Variants in IMPDH1 observed in about 807,000 individuals in gnomAD.
IMPDH1 encodes the protein inosine monophosphate dehydrogenase 1, also known as inosine-5'-monophosphate dehydrogenase 1.
IMPDH1 carries 41 observed loss-of-function variants against 73.5 expected under a neutral mutation model. That is an observed-to-expected ratio of 0.56 (90% CI 0.43 to 0.72). IMPDH1 has a LOEUF of 0.72. IMPDH1 is among the 30% of genes least tolerant of loss of function. The pLI, the probability that IMPDH1 is intolerant of heterozygous loss-of-function variation, is 0.00. For synonymous variants in IMPDH1, 318 were observed against 334.3 expected, an observed-to-expected ratio of 0.95 and a Z score of 0.53; for missense variants, 645 against 824.8, an observed-to-expected ratio of 0.78 and a Z score of 2.67.
chr7:128,405,558 G>C (rs1798660596), intron 4 of IMPDH1, among the ~76,000 whole-genome samples: 1 of 152,198 alleles, frequency 6.6e-6, no homozygotes, highest in Non-Finnish European at 1.5e-5. Context: ...GGCCAGAAAC[G>C]GGTCAGGGCT....
At chr7:128,407,401 T>C (rs1189644685) in intron 3 of IMPDH1, among the ~76,000 whole-genome samples, 3 of 152,184 alleles carry the variant, frequency 2.0e-5, no homozygotes, top group Non-Finnish European at 4.4e-5. Flanking sequence ...TTGCCAGCGA[T>C]GTGTGGGAAG....
chr7:128,406,159 T>C (rs1377819532), intron 3 of IMPDH1, among the ~76,000 whole-genome samples: 2 of 145,530 alleles, frequency 1.4e-5, no homozygotes, highest in African/African-American at 2.5e-5. Context: ...GCAGCGGCGC[T>C]GCGACCCCGC....
intron 12 of IMPDH1, 84 bp from the exon 13 acceptor site, chr7:128,395,358 C>A (rs1797843665): frequency 6.7e-7 from 1 of 1,490,634 alleles, no homozygotes; most frequent in Non-Finnish European, 9.3e-7. Flanking sequence ...GCTCTTCCTC[C>A]TGTGCACTAC....
chr7:128,404,613 A>G (rs1798576680), intron 4 of IMPDH1, among the ~76,000 whole-genome samples: 1 of 152,078 alleles, frequency 6.6e-6, no homozygotes, highest in African/African-American at 2.4e-5. Flanking sequence ...CAGGAAGGAA[A>G]AGCCACAGGG....
intron 5 of IMPDH1, 38 bp downstream of exon 5, chr7:128,403,668 C>A (rs958763015): frequency 1.3e-6 from 2 of 1,591,144 alleles, no homozygotes; most frequent in Non-Finnish European, 1.7e-6. Flanking sequence ...CCACCACATA[C>A]ACAGCCCCCT....
chr7:128,399,737 G>A (rs1030729516), intron 9 of IMPDH1, among the ~76,000 whole-genome samples: 3 of 152,000 alleles, frequency 2.0e-5, no homozygotes, highest in African/African-American at 7.2e-5. Flanking sequence ...TATAAAAACA[G>A]CTCTAGTGTC....
At chr7:128,408,623 C>A (rs1334518832) in intron 3 of IMPDH1, among the ~76,000 whole-genome samples, 1 of 152,144 alleles carries the variant, frequency 6.6e-6, no homozygotes, top group Non-Finnish European at 1.5e-5. Flanking sequence ...GAAGTGCAAT[C>A]TGGAGAAAGG....
intron 5 of IMPDH1, among the ~76,000 whole-genome samples, chr7:128,403,358 G>C (rs927112446): frequency 3.3e-5 from 5 of 152,168 alleles, no homozygotes; most frequent in African/African-American, 1.2e-4. Flanking sequence ...AGGAGTTTGA[G>C]ACCAGCCTGG....
At chr7:128,408,282 T>C (rs1798906769) in intron 3 of IMPDH1, among the ~76,000 whole-genome samples, 1 of 152,082 alleles carries the variant, frequency 6.6e-6, no homozygotes, top group African/African-American at 2.4e-5. Flanking sequence ...TGGGGCTATT[T>C]GAAGGAACAA....
chr7:128,399,169 GC>G (rs1798139202), intron 9 of IMPDH1, among the ~76,000 whole-genome samples: 1 of 152,072 alleles, frequency 6.6e-6, no homozygotes, highest in Non-Finnish European at 1.5e-5. Context: ...TTCAAGAACA[GC>G]CCGGCCAATA....
At position 128,400,339 on chromosome 7, in the gene IMPDH1, G is replaced by T; in HGVS notation, c.780C>A (p.Leu260=). ...TCCCCTGCCCTGCAGGTACCTCACT[G>T]AGGAGGGTGGTGTGGTCCTTCTCAG... ...FLAEKDHTTL[L]SEVMTPRIEL... is the part of the protein sequence containing the mutation. The change falls in exon 8 of 17, where the codon CTC becomes CTA. Residue 260 remains leucine, a synonymous_variant. Transcript: ENST00000338791. The T allele has an allele frequency of 1.2e-6, 2 of 1,613,312 alleles. No individual in the cohort carries two copies. Among genetic ancestry groups the T allele is most frequent in the Non-Finnish European group, 1.7e-6 (2 of 1,179,578 alleles).
At position 128,396,955 on chromosome 7, in the gene IMPDH1, T is replaced by A; in HGVS notation, c.1142A>T (p.His381Leu). 1.9e-6 allele frequency: 3 copies of A among 1,613,044 alleles called. No individual in the cohort carries two copies. The South Asian group carries it at 3.3e-5, about 18-fold the overall frequency. The change falls in exon 11 of 17, where the codon CAC becomes CTC. Residue 381 changes from histidine to leucine, a missense_variant. Physicochemically the swap from His to Leu is moderately conservative, Grantham distance 99 (BLOSUM62 -3). Around this residue, in one of 2 missense-constraint regions of IMPDH1, gnomAD observed 459 missense variants for 638.2 expected, o/e 0.72. Coordinates refer to ENST00000338791, the MANE Select transcript of IMPDH1 (RefSeq NM_000883.4). This position sits in a 1 kb window ranked among gnomAD's most constrained non-coding sequence, Gnocchi z 4.0. Reference sequence around the variant, plus strand: ...ACCGTTCCCCCCAATCACCTGGAGGTGGGGGTACTTCTGTTTGATGTAATG... The same window carrying A: ...ACCGTTCCCCCCAATCACCTGGAGGAGGGGGTACTTCTGTTTGATGTAATG... ...MVHYIKQKYP[H>L]LQVIGGNVVT...
At chr7:128,405,621 CT>C in intron 4 of IMPDH1, 145 bp downstream of exon 4, 5 of 1,240,640 alleles carry the variant, frequency 4.0e-6, no homozygotes, top group Non-Finnish European at 4.2e-6. Flanking sequence ...CGCGGGCCTC[CT>C]TCCTTCCCGT....
intron 4 of IMPDH1, among the ~76,000 whole-genome samples, chr7:128,405,030 C>A (rs1331936509): frequency 6.6e-6 from 1 of 152,176 alleles, no homozygotes; most frequent in Non-Finnish European, 1.5e-5. Context: ...GGCCAGCATC[C>A]CCACTCTGCC....
At chr7:128,403,789 G>A (rs753611719) in intron 4 of IMPDH1, 35 bp from the exon 5 acceptor site, 2 of 1,602,698 alleles carry the variant, frequency 1.2e-6, no homozygotes, top group South Asian at 1.1e-5. Context: ...TATTAGTGGG[G>A]AGGGGTGCCC....
intron 3 of IMPDH1, among the ~76,000 whole-genome samples, chr7:128,406,542 A>C (rs1798792924): frequency 6.6e-6 from 1 of 151,914 alleles, no homozygotes; most frequent in African/African-American, 2.4e-5. Context: ...GGCATTCTTC[A>C]TAATGACACT....
In IMPDH1 at chr7:128,398,709, G is replaced by A; in HGVS notation, c.875-96C>T. ...GAAGATGAAAGTGGACCACTCCAGA[G>A]ATTCCACTGAAGTACCCCAGTCAGC... is the stretch of plus-strand genomic sequence containing the variant. On this transcript the variant is annotated intron_variant, in intron 9 of 16. Coordinates refer to ENST00000338791, the MANE Select transcript of IMPDH1 (RefSeq NM_000883.4). This position sits in a 1 kb window ranked among gnomAD's most constrained non-coding sequence, Gnocchi z 4.3. The A allele has an allele frequency of 1.0e-6, 1 of 998,340 alleles. No individual in the cohort carries two copies. Among genetic ancestry groups the A allele is most frequent in the Admixed American group, 1.8e-5 (1 of 56,318 alleles). The allele number at this position is 998,340 out of a possible 1,614,324, so 61.8% of individuals were successfully genotyped here. A position where few individuals can be genotyped will look rare whatever the true frequency, so the allele number is the denominator to read the frequency against.
chr7:128,409,336 G>C lies in IMPDH1; in HGVS notation c.207C>G (p.Val69=). 2 of 1,614,186 alleles carry C rather than the reference G, an allele frequency of 1.2e-6. No individual in the cohort carries two copies. The highest frequency in any genetic ancestry group is 2.2e-5 in the South Asian group (2 of 91,084). The change falls in exon 3 of 17, where the codon GTC becomes GTG. Residue 69 remains valine (V), a synonymous_variant. Transcript: ENST00000338791. ...TCTGGACACCAACACCTGCCAGTAA[G>C]ACCACTGAAGATAGTTCTAGGAGGA... ...TTPRSELSSV[V]LLAGVGVQMD...
At position 128,396,764 on chromosome 7, in the gene IMPDH1, G is replaced by T; in HGVS notation, c.1166-69C>A. On this transcript the variant is annotated intron_variant, in intron 11 of 16. Transcript: ENST00000338791. The surrounding 1 kb of genome is among the most constrained non-coding windows in gnomAD (Gnocchi z 4.0). Reference sequence around the variant, plus strand: ...GCCCCTGCCTGCCCAACAGCCTCTTGGGACCCCAGTCTAGCACCCCCCAAC... The same window carrying T: ...GCCCCTGCCTGCCCAACAGCCTCTTTGGACCCCAGTCTAGCACCCCCCAAC... 7.2e-7 allele frequency: 1 copy of T among 1,387,292 alleles called. No individual in the cohort carries two copies. Among genetic ancestry groups the T allele is most frequent in the South Asian group, 1.2e-5 (1 of 80,986 alleles). The allele number at this position is 1,387,292 out of a possible 1,614,324, so 85.9% of individuals were successfully genotyped here.
Sources: allele counts gnomAD v4.1 joint callset (sites outside exome capture counted in the v4.1 genomes callset), GRCh38; gene constraint gnomAD v4.1.1; regional missense constraint gnomAD v4.1.1; non-coding constraint Gnocchi (gnomAD v3.1); transcripts MANE v1.5; gene names NCBI Gene and HGNC (gene_info 2026-07-23, HGNC 2026-07-21).